CAMKMT: variants seen among roughly 807,000 people sequenced by gnomAD.
CAMKMT encodes the protein calmodulin-lysine N-methyltransferase.
In CAMKMT, 53 loss-of-function variants were observed where a neutral mutation model predicts 48.0. The ratio of observed to expected loss-of-function variants is 1.10; its 90% confidence interval spans 0.89 to 1.39. The LOEUF (loss-of-function observed/expected upper bound fraction) is 1.39, where lower values mean the gene tolerates loss of function less well. CAMKMT is among the 40% of genes most tolerant of loss of function. The pLI, the probability that CAMKMT is intolerant of heterozygous loss-of-function variation, is 0.00. For missense variants in CAMKMT, 428 were observed against 402.7 expected (o/e 1.06, Z -0.54); for synonymous variants, 165 against 152.3 (o/e 1.08, Z -0.61).
At chr2:44,737,754 TTCTC>T (rs140977311) in intron 7 of CAMKMT, among the ~76,000 whole-genome samples, 4 of 149,002 alleles carry the variant, frequency 2.7e-5, no homozygotes, top group Admixed American at 1.3e-4. Flanking sequence ...CTCTCTCTCT[TTCTC>T]TCTCTCTCTC....
At chr2:44,668,493 A>G (rs1380256928) in intron 3 of CAMKMT, among the ~76,000 whole-genome samples, 1 of 152,208 alleles carries the variant, frequency 6.6e-6, no homozygotes, top group Non-Finnish European at 1.5e-5. Context: ...AAGGAAAGAC[A>G]AGACCCCTCT....
intron 3 of CAMKMT, among the ~76,000 whole-genome samples, chr2:44,688,156 C>T (rs1469080320): frequency 6.6e-6 from 1 of 151,654 alleles, no homozygotes; most frequent in Non-Finnish European, 1.5e-5. Flanking sequence ...TATTTGAAAA[C>T]TGGGGAAGGA....
Position 44,366,105 on chromosome 2 carries a change from C to G in CAMKMT, c.138+3960C>G, listed in dbSNP as rs1005583875. ...TTAAGCAACTTACCTTTATCTTTCT[C>G]AAACATTCAACTTGGCTTTTAGGGT... On this transcript the variant is annotated intron_variant, in intron 1 of 10. Transcript: ENST00000378494. 2.0e-5 allele frequency among the ~76,000 whole-genome samples: 3 copies of G among 152,236 alleles called. No homozygotes were observed. In the East Asian group the frequency reaches 5.8e-4, roughly 29 times the overall value.
chr2:44,631,359 G>A, intron 3 of CAMKMT: 1 of 360,880 alleles, frequency 2.8e-6, no homozygotes, highest in Non-Finnish European at 4.8e-6. Context: ...TAACTAACCT[G>A]CACGTTGTGC....
At chr2:44,719,285 T>A (rs1002498003) in intron 7 of CAMKMT, among the ~76,000 whole-genome samples, 1 of 152,218 alleles carries the variant, frequency 6.6e-6, no homozygotes, top group Non-Finnish European at 1.5e-5. Context: ...ATCTTTTTAA[T>A]TTCTGCTGCC....
chr2:44,686,323 G>A lies in CAMKMT; in HGVS notation c.377-17960G>A, dbSNP rs540023166. 1.6e-3 allele frequency among the ~76,000 whole-genome samples: 234 copies of A among 150,842 alleles called. 6 individuals are homozygous for A. The South Asian group carries it at 0.048, about 31-fold the overall frequency. On this transcript the variant is annotated intron_variant, in intron 3 of 10. Coordinates refer to ENST00000378494, the MANE Select transcript of CAMKMT (RefSeq NM_024766.5). ...CAGGAGAATGGCGTGAACCTGGGAGGCAAAGCTTGCAGTGAGCTGAGATCA... is the reference window on the plus strand; with the variant it reads ...CAGGAGAATGGCGTGAACCTGGGAGACAAAGCTTGCAGTGAGCTGAGATCA...
At chr2:44,390,539 T>A in intron 3 of CAMKMT, among the ~76,000 whole-genome samples, 2 of 73,332 alleles carry the variant, frequency 2.7e-5, no homozygotes, top group Admixed American at 1.7e-4. Context: ...GGGGGGGAGG[T>A]GGGGGAGGGA....
intron 3 of CAMKMT, among the ~76,000 whole-genome samples, chr2:44,547,891 G>GCAGTGTCTT (rs1667492121): frequency 3.3e-5 from 5 of 152,102 alleles, no homozygotes; most frequent in Non-Finnish European, 7.3e-5. Flanking sequence ...CAGTGGAAAG[G>GCAGTGTCTT]GATCATCAAG....
Position 44,390,310 on chromosome 2 carries a change from G to C in CAMKMT, c.376+5G>C, listed in dbSNP as rs1412638162. 13 of 1,578,072 alleles carry C rather than the reference G, an allele frequency of 8.2e-6. No individual in the cohort carries two copies. Among genetic ancestry groups the C allele is most frequent in the Non-Finnish European group, 1.1e-5 (13 of 1,154,616 alleles). ...TTGACAATACAGGAAATGTTTGTAA[G>C]TTATACATTCACTCTATAGAAATAT... On this transcript the variant is annotated splice_donor_5th_base_variant and intron_variant, in intron 3 of 10. Transcript: ENST00000378494.
intron 3 of CAMKMT, among the ~76,000 whole-genome samples, chr2:44,679,613 A>G (rs1217029997): frequency 6.6e-6 from 1 of 152,244 alleles, no homozygotes; most frequent in Non-Finnish European, 1.5e-5. Context: ...CCATGTCAGA[A>G]AACTAATTTT....
chr2:44,630,696 G>A (rs1672761191), intron 3 of CAMKMT, among the ~76,000 whole-genome samples: 1 of 151,360 alleles, frequency 6.6e-6, no homozygotes, highest in African/African-American at 2.4e-5. Context: ...ACCACAATGA[G>A]ATATCATCTC....
intron 1 of CAMKMT, among the ~76,000 whole-genome samples, chr2:44,368,951 C>T (rs935136015): frequency 1.3e-5 from 2 of 152,082 alleles, no homozygotes; most frequent in Non-Finnish European, 2.9e-5. Flanking sequence ...TCAAACAATT[C>T]TCATGCCTTC....
In CAMKMT at chr2:44,627,697, C is replaced by CTTTTTTTTTTTTTTTT. The variant is rs1174344846; in HGVS notation, c.377-76571_377-76556dup. Among the ~76,000 whole-genome samples, 40 of 75,096 alleles carry CTTTTTTTTTTTTTTTT rather than the reference C, an allele frequency of 5.3e-4. 10 individuals carry two copies. Among genetic ancestry groups the CTTTTTTTTTTTTTTTT allele is most frequent in the Non-Finnish European group, 8.6e-4 (36 of 41,772 alleles). 49.3% of individuals were successfully genotyped at this position (75,096 alleles called of 152,430 possible). On this transcript the variant is annotated intron_variant, in intron 3 of 10. Coordinates refer to ENST00000378494, the MANE Select transcript of CAMKMT (RefSeq NM_024766.5). ...TTATTTATAATGGTCCCATTTTATC[C>CTTTTTTTTTTTTTTTT]TTTTTTTTTTTTTTTTTTTTTTTTT... is the stretch of plus-strand genomic sequence containing the variant.
At chr2:44,494,713 A>C (rs999657488) in intron 3 of CAMKMT, among the ~76,000 whole-genome samples, 14 of 152,232 alleles carry the variant, frequency 9.2e-5, no homozygotes, top group Admixed American at 2.6e-4. Context: ...AAAACCTACC[A>C]ATTAGTATAG....
chr2:44,379,259 C>CT (rs1156714933), intron 2 of CAMKMT, among the ~76,000 whole-genome samples: 6 of 152,206 alleles, frequency 3.9e-5, no homozygotes, highest in African/African-American at 1.4e-4. Context: ...GTACCTCATA[C>CT]TTTTTTTATG....
At position 44,706,044 on chromosome 2, in the gene CAMKMT, G is replaced by A. The variant is rs74550490; in HGVS notation, c.438-243G>A. 6.1e-3 allele frequency among the ~76,000 whole-genome samples: 923 copies of A among 152,196 alleles called. 10 individuals carry two copies. The highest frequency in any genetic ancestry group is 0.021 in the African/African-American group (872 of 41,532). On this transcript the variant is annotated intron_variant, in intron 4 of 10. Transcript: ENST00000378494. ...ACCTTCTCAGATTTTTCAGCTCAGC[G>A]GTGGTAATGTTGCAGTGAACACTAA...
intron 3 of CAMKMT, among the ~76,000 whole-genome samples, chr2:44,611,426 T>C (rs1288565309): frequency 2.0e-5 from 3 of 151,408 alleles, no homozygotes; most frequent in Non-Finnish European, 2.9e-5. Flanking sequence ...AGAGCAAGAC[T>C]TTGTCCCCAA....
At chr2:44,679,607 G>A (rs1675904637) in intron 3 of CAMKMT, among the ~76,000 whole-genome samples, 1 of 152,232 alleles carries the variant, frequency 6.6e-6, no homozygotes, top group South Asian at 2.1e-4. Context: ...CCTGCGCCAT[G>A]TCAGAAAACT....
At chr2:44,546,815 G>A (rs1433162346) in intron 3 of CAMKMT, among the ~76,000 whole-genome samples, 8 of 152,226 alleles carry the variant, frequency 5.3e-5, no homozygotes. Flanking sequence ...TCCCTGGGCT[G>A]TTGTAATGTT....
Sources: allele counts gnomAD v4.1 joint callset (sites outside exome capture counted in the v4.1 genomes callset), GRCh38; gene constraint gnomAD v4.1.1; transcripts MANE v1.5; gene names NCBI Gene and HGNC (gene_info 2026-07-23, HGNC 2026-07-21).